The following MICU1 variants were observed in gnomAD, a reference collection of about 807,000 sequenced individuals.
MICU1 encodes the protein calcium uptake protein 1, mitochondrial.
A neutral mutation model predicts 56.8 loss-of-function variants in MICU1; 45 were observed. That is an observed-to-expected ratio of 0.79 (90% CI 0.62 to 1.02). The LOEUF (loss-of-function observed/expected upper bound fraction) is 1.02, where lower values mean the gene tolerates loss of function less well. Ranked by LOEUF, MICU1 falls within the 50% of genes least tolerant of loss-of-function variation. MICU1 has a pLI of 0.00. For synonymous variants in MICU1, 186 were observed against 195.1 expected, an observed-to-expected ratio of 0.95 and a Z score of 0.39; for missense variants, 504 against 587.1, an observed-to-expected ratio of 0.86 and a Z score of 1.46.
At chr10:72,581,518 C>T (rs1840898578) in intron 1 of MICU1, among the ~76,000 whole-genome samples, 1 of 152,152 alleles carries the variant, frequency 6.6e-6, no homozygotes, top group African/African-American at 2.4e-5. Context: ...ATCCCAGCTA[C>T]TCAGGGGGCT....
In MICU1 at chr10:72,546,629, C is replaced by A. The variant is rs190423613; in HGVS notation, c.493+4550G>T. The stretch of plus-strand genomic sequence containing the variant: ...AATTTATCTAAAGTTTTTCTCTTAA[C>A]GCAAACAAGATTTTATCTACATGCA... On this transcript the variant is annotated intron_variant, in intron 4 of 11. Transcript: ENST00000361114. Among the ~76,000 whole-genome samples the A allele has an allele frequency of 4.1e-3, 624 of 152,308 alleles. 2 individuals are homozygous for A. The highest frequency in any genetic ancestry group is 0.017 in the Middle Eastern group (5 of 294).
chr10:72,405,991 TG>T (rs1472512662), intron 10 of MICU1, among the ~76,000 whole-genome samples: 2 of 151,040 alleles, frequency 1.3e-5, no homozygotes, highest in Admixed American at 1.3e-4. Flanking sequence ...GGTAAGCAAG[TG>T]CAATAAAGCA....
At chr10:72,408,119 C>A in intron 9 of MICU1, 82 bp from the exon 10 acceptor site, 1 of 784,478 alleles carries the variant, frequency 1.3e-6, no homozygotes, top group South Asian at 1.6e-5. Flanking sequence ...TTCACATCTG[C>A]AAATCAGAAA....
chr10:72,396,137 C>A (rs1042676907), intron 10 of MICU1, among the ~76,000 whole-genome samples: 2 of 152,196 alleles, frequency 1.3e-5, no homozygotes, highest in Admixed American at 6.5e-5. Flanking sequence ...GATACCCAGG[C>A]AAACAGGGTC....
intron 10 of MICU1, among the ~76,000 whole-genome samples, chr10:72,396,401 C>T (rs1038804743): frequency 2.6e-5 from 4 of 152,174 alleles, no homozygotes; most frequent in Non-Finnish European, 5.9e-5. Flanking sequence ...CGCAGCTCCT[C>T]GCCAGCAACG....
At chr10:72,518,262 G>A (rs1436911980) in intron 5 of MICU1, among the ~76,000 whole-genome samples, 4 of 151,946 alleles carry the variant, frequency 2.6e-5, no homozygotes, top group African/African-American at 9.7e-5. Flanking sequence ...TCAAACTCCT[G>A]ACCTCAAGTG....
chr10:72,427,341 C>T (rs955552621), intron 8 of MICU1, among the ~76,000 whole-genome samples: 1 of 152,046 alleles, frequency 6.6e-6, no homozygotes, highest in African/African-American at 2.4e-5. Flanking sequence ...ATGGTCTACA[C>T]GTATCTGGAT....
chr10:72,382,730 G>A (rs1330924993), intron 10 of MICU1, among the ~76,000 whole-genome samples: 3 of 152,112 alleles, frequency 2.0e-5, no homozygotes, highest in African/African-American at 7.2e-5. Flanking sequence ...CCAACATGGC[G>A]AAACCCCGTC....
chr10:72,436,875 C>T (rs1040846150), intron 8 of MICU1, among the ~76,000 whole-genome samples: 3 of 151,970 alleles, frequency 2.0e-5, no homozygotes, highest in African/African-American at 7.3e-5. Flanking sequence ...CGAACAAAGC[C>T]TCCAAGAAAT....
At chr10:72,446,837 G>T (rs954131762) in intron 8 of MICU1, among the ~76,000 whole-genome samples, 9 of 152,134 alleles carry the variant, frequency 5.9e-5, no homozygotes, top group Non-Finnish European at 1.3e-4. Flanking sequence ...TATTAATAAT[G>T]ATAGTAAGAA....
intron 5 of MICU1, among the ~76,000 whole-genome samples, chr10:72,527,408 G>A (rs1227007749): frequency 2.0e-5 from 3 of 151,508 alleles, no homozygotes; most frequent in Non-Finnish European, 4.4e-5. Context: ...GTCTCACTCT[G>A]TCGCCCAGGC....
intron 4 of MICU1, among the ~76,000 whole-genome samples, chr10:72,546,138 C>T (rs1839887902): frequency 6.6e-6 from 1 of 152,176 alleles, no homozygotes; most frequent in African/African-American, 2.4e-5. Context: ...GTGCACTTTT[C>T]TTGTCTTAAC....
At chr10:72,570,565 T>C (rs2132484633) in intron 1 of MICU1, among the ~76,000 whole-genome samples, 1 of 152,310 alleles carries the variant, frequency 6.6e-6, no homozygotes, top group South Asian at 2.1e-4. Context: ...ATCAATGAGC[T>C]GGTTACTATT....
intron 8 of MICU1, among the ~76,000 whole-genome samples, chr10:72,443,950 T>C (rs1282980984): frequency 4.0e-5 from 6 of 149,082 alleles, no homozygotes; most frequent in Admixed American, 6.6e-5. Context: ...CTATTCACAA[T>C]AGCAAAGACT....
intron 1 of MICU1, among the ~76,000 whole-genome samples, chr10:72,581,439 G>A (rs935248802): frequency 6.6e-6 from 1 of 152,144 alleles, no homozygotes; most frequent in Non-Finnish European, 1.5e-5. Context: ...GACCAGTCTG[G>A]CCAACATGGT....
At chr10:72,386,557 ATT>A (rs34210330) in intron 10 of MICU1, among the ~76,000 whole-genome samples, 4,886 of 120,056 alleles carry the variant, frequency 0.041, 267 homozygotes, top group African/African-American at 0.15. Flanking sequence ...CCCGCCACCT[ATT>A]TTTTTTTTTT....
intron 3 of MICU1, among the ~76,000 whole-genome samples, chr10:72,554,409 C>T (rs1012852677): frequency 1.3e-5 from 2 of 152,100 alleles, no homozygotes; most frequent in Non-Finnish European, 2.9e-5. Flanking sequence ...TCTGATCGAG[C>T]CTCAGAATCC....
intron 6 of MICU1, among the ~76,000 whole-genome samples, chr10:72,494,049 C>A (rs546617332): frequency 1.3e-5 from 2 of 152,116 alleles, no homozygotes; most frequent in Non-Finnish European, 2.9e-5. Flanking sequence ...AAGAGGTAAT[C>A]AACCCTAATC....
chr10:72,470,251 G>A (rs949994996), intron 8 of MICU1, among the ~76,000 whole-genome samples: 5 of 152,140 alleles, frequency 3.3e-5, no homozygotes, highest in African/African-American at 4.8e-5. Context: ...TGCTAGTCAC[G>A]CTTCCTCAAA....
Sources: allele counts gnomAD v4.1 joint callset (sites outside exome capture counted in the v4.1 genomes callset), GRCh38; gene constraint gnomAD v4.1.1; transcripts MANE v1.5; gene names NCBI Gene and HGNC (gene_info 2026-07-23, HGNC 2026-07-21).